Variants in EEFSEC observed in about 807,000 individuals in gnomAD.
The protein encoded by EEFSEC is eukaryotic elongation factor, selenocysteine-tRNA specific, also known as selenocysteine-specific elongation factor.
A neutral mutation model predicts 42.1 loss-of-function variants in EEFSEC; 43 were observed. The observed-to-expected ratio is 1.02, with a 90% CI of 0.80 to 1.32. The LOEUF is 1.32. Ranked by LOEUF, EEFSEC falls within the 40% of genes most tolerant of loss-of-function variation. The pLI is 0.00. For synonymous variants in EEFSEC, 354 were observed against 339.1 expected, an observed-to-expected ratio of 1.04 and a Z score of -0.48; for missense variants, 745 against 803.6, an observed-to-expected ratio of 0.93 and a Z score of 0.88.
chr3:128,411,138 T>A (rs753276689), downstream of EEFSEC, among the ~76,000 whole-genome samples: 16 of 152,206 alleles, frequency 1.1e-4, no homozygotes, highest in Admixed American at 7.8e-4. Flanking sequence ...AGGTGCAGCC[T>A]AGCCGGGACG....
chr3:128,344,858 G>A (rs62270891), intron 5 of EEFSEC, among the ~76,000 whole-genome samples: 1 of 152,188 alleles, frequency 6.6e-6, no homozygotes, highest in African/African-American at 2.4e-5. Flanking sequence ...ATAGCTTGTG[G>A]CTTCATATGT....
chr3:128,279,487 G>C (rs527406429), intron 4 of EEFSEC, among the ~76,000 whole-genome samples: 1 of 152,078 alleles, frequency 6.6e-6, no homozygotes, highest in Non-Finnish European at 1.5e-5. Context: ...TAGAACAGGC[G>C]GCCCCCTCAG....
At chr3:128,335,308 C>T (rs1170366539) in intron 4 of EEFSEC, among the ~76,000 whole-genome samples, 1 of 152,152 alleles carries the variant, frequency 6.6e-6, no homozygotes, top group African/African-American at 2.4e-5. Flanking sequence ...TGATGAAAAA[C>T]CAAGTGGGCA....
Position 128,345,828 on chromosome 3 carries a change from T to C in EEFSEC, c.1443+3939T>C, listed in dbSNP as rs543830210. On this transcript the variant is annotated intron_variant, in intron 5 of 6. Transcript: ENST00000254730. ...AGGCATATAGGCCTTCTGATCCCATTTCCTATAAAGGCATCCTTCATTCAT... is the reference window on the plus strand; with the variant it reads ...AGGCATATAGGCCTTCTGATCCCATCTCCTATAAAGGCATCCTTCATTCAT... Among the ~76,000 whole-genome samples, 11 of 152,380 alleles carry C rather than the reference T, an allele frequency of 7.2e-5. No individual in the cohort carries two copies. The South Asian group carries it at 2.3e-3, about 32-fold the overall frequency.
chr3:128,217,787 C>G (rs945068918), intron 1 of EEFSEC, among the ~76,000 whole-genome samples: 9 of 152,128 alleles, frequency 5.9e-5, no homozygotes, highest in African/African-American at 1.9e-4. Context: ...TCAGGGGAAA[C>G]CTCAGCATCA....
At chr3:128,387,001 G>T (rs2067847276) in intron 6 of EEFSEC, among the ~76,000 whole-genome samples, 1 of 152,236 alleles carries the variant, frequency 6.6e-6, no homozygotes, top group Middle Eastern at 3.2e-3. Context: ...AGGCAGGGCT[G>T]CCAGGTGCTC....
rs562964675 is a variant in EEFSEC at position 128,309,959 on chromosome 3, C to T, written c.787-31274C>T. Among the ~76,000 whole-genome samples the T allele has an allele frequency of 4.6e-5, 7 of 152,286 alleles. No individual in the cohort carries two copies. The East Asian group carries it at 1.4e-3, about 29-fold the overall frequency. ...TTCCTAGCATTAACATCCATTGACC[C>T]ATTTAAAATAGACACACTTGGAGAA... On this transcript the variant is annotated intron_variant, in intron 4 of 6. Coordinates refer to ENST00000254730, the MANE Select transcript of EEFSEC (RefSeq NM_021937.5).
the EEFSEC span, among the ~76,000 whole-genome samples, chr3:128,415,622 G>C: frequency 6.6e-6 from 1 of 152,228 alleles, no homozygotes; most frequent in Non-Finnish European, 1.5e-5. Context: ...GCCTTTGCTG[G>C]TGATGCTGCC....
At chr3:128,179,276 G>A (rs147374539) in intron 1 of EEFSEC, among the ~76,000 whole-genome samples, 1 of 152,160 alleles carries the variant, frequency 6.6e-6, no homozygotes, top group Non-Finnish European at 1.5e-5. Flanking sequence ...GGGGAGGAAG[G>A]GGGAGAGGAA....
chr3:128,425,840 G>A, the EEFSEC span, among the ~76,000 whole-genome samples: 1 of 152,202 alleles, frequency 6.6e-6, no homozygotes, highest in Non-Finnish European at 1.5e-5. Context: ...CAGGGTGACT[G>A]GGGCGGGCCT....
chr3:128,280,745 G>C (rs1427205403), intron 4 of EEFSEC, among the ~76,000 whole-genome samples: 1 of 152,186 alleles, frequency 6.6e-6, no homozygotes. Flanking sequence ...TACTTTATTG[G>C]GGAAGCTCTG....
intron 4 of EEFSEC, among the ~76,000 whole-genome samples, chr3:128,329,526 G>C (rs2067103471): frequency 6.6e-6 from 1 of 152,112 alleles, no homozygotes; most frequent in African/African-American, 2.4e-5. Flanking sequence ...GGGCTGTGGG[G>C]GCCAAGGTGG....
intron 6 of EEFSEC, among the ~76,000 whole-genome samples, chr3:128,406,099 T>C (rs2068106875): frequency 6.6e-6 from 1 of 152,050 alleles, no homozygotes; most frequent in Non-Finnish European, 1.5e-5. Context: ...GTGCTTACAC[T>C]GAGGTGCTCT....
In EEFSEC at chr3:128,262,697, C is replaced by T. The variant is rs187388144; in HGVS notation, c.621+473C>T. Among the ~76,000 whole-genome samples, 51 of 152,312 alleles carry T rather than the reference C, an allele frequency of 3.3e-4. No individual in the cohort carries two copies. The East Asian group carries it at 6.6e-3, about 20-fold the overall frequency. ...AATGCAGCTTCCATCCTGGGCACCT[C>T]CACCAAAGATGGGAGGCTTATCTTC... On this transcript the variant is annotated intron_variant, in intron 3 of 6. Coordinates refer to ENST00000254730, the MANE Select transcript of EEFSEC (RefSeq NM_021937.5).
chr3:128,228,743 C>T (rs1014334696), intron 1 of EEFSEC, among the ~76,000 whole-genome samples: 3 of 152,132 alleles, frequency 2.0e-5, no homozygotes, highest in African/African-American at 7.2e-5. Flanking sequence ...TGCAAACTCT[C>T]TGTGCCTTGA....
chr3:128,178,386 C>T (rs1166722226), intron 1 of EEFSEC, among the ~76,000 whole-genome samples: 1 of 152,148 alleles, frequency 6.6e-6, no homozygotes, highest in African/African-American at 2.4e-5. Flanking sequence ...GAAAATTCAG[C>T]TCCTAAAGAT....
At chr3:128,378,874 G>A (rs912741751) in intron 6 of EEFSEC, among the ~76,000 whole-genome samples, 1 of 152,212 alleles carries the variant, frequency 6.6e-6, no homozygotes, top group African/African-American at 2.4e-5. Context: ...CCTGAGGTGA[G>A]GGCAAACTCT....
chr3:128,374,634 A>G (rs1044261133), intron 6 of EEFSEC, among the ~76,000 whole-genome samples: 31 of 152,240 alleles, frequency 2.0e-4, no homozygotes, highest in African/African-American at 7.0e-4. Context: ...CTGAGACGTG[A>G]TTTTCCTCCA....
rs1253284844 is a variant in EEFSEC at position 128,341,521 on chromosome 3, G to C, written c.1075G>C (p.Asp359His). 6.2e-7 allele frequency: 1 copy of C among 1,614,106 alleles called. No individual in the cohort carries two copies. The highest frequency in any genetic ancestry group is 1.7e-5 in the Admixed American group (1 of 60,030). ...CTTCAGTCCTGCTCCAGATAACTTT[G>C]ACCAGGAGCCTATACTGGACTCTTT... The part of the protein sequence containing the change: ...MFFSPAPDNF[D>H]QEPILDSFNF... Residue 359 changes from aspartate (D) to histidine (H), a missense_variant, in exon 5 of 7, where the codon GAC becomes CAC. Physicochemically the swap from Asp to His is moderately conservative, Grantham distance 81 (BLOSUM62 -1). Transcript: ENST00000254730.
Sources: allele counts gnomAD v4.1 joint callset (sites outside exome capture counted in the v4.1 genomes callset), GRCh38; gene constraint gnomAD v4.1.1; transcripts MANE v1.5; gene names NCBI Gene and HGNC (gene_info 2026-07-23, HGNC 2026-07-21).